Variants in LYST observed in about 807,000 individuals in gnomAD.
LYST encodes the protein lysosomal trafficking regulator.
Under a neutral mutation model 413.6 loss-of-function variants are expected in LYST, and 192 were observed. The ratio of observed to expected loss-of-function variants is 0.46; its 90% CI spans 0.41 to 0.52. The LOEUF is 0.52. Among genes scored for constraint, LYST ranks in the 20% least tolerant of loss-of-function variants. The pLI is 0.00. For missense variants in LYST, 3,815 were observed against 4,499.9 expected, an observed-to-expected ratio of 0.85 and a Z score of 4.35; for synonymous variants, 1,525 against 1,567.3, an observed-to-expected ratio of 0.97 and a Z score of 0.64.
intron 43 of LYST, 120 bp from the exon 44 acceptor site, chr1:235,709,428 T>C (rs1214505588): frequency 9.4e-6 from 7 of 746,868 alleles, no homozygotes; most frequent in Admixed American, 6.6e-5. Flanking sequence ...AAAAAGGGAA[T>C]AGCAAGGAGG....
rs1258505222 is a variant in LYST at position 235,725,016 on chromosome 1, G to A, written c.9163-836C>T. On this transcript the variant is annotated intron_variant, in intron 38 of 52. Coordinates refer to ENST00000389793, the MANE Select transcript of LYST (RefSeq NM_000081.4). Reference sequence around the variant, plus strand: ...TTGACGTAGGTTCACAGCAACTTGAGGACAGAAGATGAGGCCCTGGGCCCC... The same window carrying A: ...TTGACGTAGGTTCACAGCAACTTGAAGACAGAAGATGAGGCCCTGGGCCCC... Among the ~76,000 whole-genome samples, 3 of 152,338 alleles carry A rather than the reference G, an allele frequency of 2.0e-5. No individual in the cohort carries two copies. In the South Asian group the frequency reaches 6.2e-4, roughly 32 times the overall value.
At position 235,792,081 on chromosome 1, in the gene LYST, A is replaced by G. The variant is rs764179773; in HGVS notation, c.4161T>C (p.Thr1387=). ...LGILKIIESD[T]TMSPSQYLTF... is the part of the protein sequence containing the mutation. ...TTAGATACTGTGAAGGGCTCATAGT[A>G]GTATCACTTTCAATAATTTTCAGAA... The change falls in exon 12 of 53, where the codon ACT becomes ACC. Residue 1387 remains threonine, a synonymous_variant. Transcript: ENST00000389793. 6 of 1,613,122 alleles carry G rather than the reference A, an allele frequency of 3.7e-6. No homozygotes were observed. The Admixed American group carries it at 1.0e-4, about 27-fold the overall frequency.
chr1:235,763,781 C>T (rs1667835968), intron 21 of LYST, among the ~76,000 whole-genome samples: 1 of 152,038 alleles, frequency 6.6e-6, no homozygotes, highest in African/African-American at 2.4e-5. Context: ...TGTTTCTTGA[C>T]CTCTTCTCTT....
At chr1:235,794,131 C>A (rs1306751478) in intron 10 of LYST, among the ~76,000 whole-genome samples, 1 of 152,104 alleles carries the variant, frequency 6.6e-6, no homozygotes, top group Non-Finnish European at 1.5e-5. Flanking sequence ...CCATGTCTGG[C>A]CAGCATGAGC....
At chr1:235,782,547 G>T (rs899055350) in intron 14 of LYST, among the ~76,000 whole-genome samples, 1 of 152,138 alleles carries the variant, frequency 6.6e-6, no homozygotes, top group African/African-American at 2.4e-5. Context: ...AGGGCTAATT[G>T]TTTGTCTCTT....
In LYST at chr1:235,777,220, G is replaced by A; in HGVS notation, c.5303C>T (p.Thr1768Ile). The A allele has an allele frequency of 6.2e-7, 1 of 1,613,626 alleles. No individual in the cohort carries two copies. Among genetic ancestry groups the A allele is most frequent in the African/African-American group, 1.3e-5 (1 of 74,998 alleles). ...GCTGAAGGGTCTTTGAGAGAGTTGG[G>A]TTTTCATTTGACCTTTAAGTCTAAT... ...PVIRLKGQMK[T>I]QLSQRPFSSK... Residue 1768 changes from threonine to isoleucine, a missense_variant, in exon 17 of 53, where the codon ACC becomes ATC. Transcript: ENST00000389793.
chr1:235,850,829 C>A (rs1271129406), intron 1 of LYST, among the ~76,000 whole-genome samples: 1 of 152,012 alleles, frequency 6.6e-6, no homozygotes, highest in East Asian at 1.9e-4. Context: ...AATGTGATAC[C>A]ATCTCACTCC....
chr1:235,825,542 C>T (rs1382632117), intron 3 of LYST, among the ~76,000 whole-genome samples: 1 of 151,946 alleles, frequency 6.6e-6, no homozygotes, highest in Non-Finnish European at 1.5e-5. Context: ...CTATGAGCAA[C>T]AAACAACAGG....
chr1:235,668,668 A>G (rs1658692459), intron 50 of LYST, among the ~76,000 whole-genome samples: 1 of 152,266 alleles, frequency 6.6e-6, no homozygotes, highest in African/African-American at 2.4e-5. Flanking sequence ...TACAAAATTC[A>G]ACTCCCTCAG....
Position 235,787,189 on chromosome 1 carries a change from A to G in LYST, c.4862+11T>C. 1 of 1,608,140 alleles carries G rather than the reference A, an allele frequency of 6.2e-7. No individual in the cohort carries two copies. Among genetic ancestry groups the G allele is most frequent in the Non-Finnish European group, 8.5e-7 (1 of 1,174,680 alleles). On this transcript the variant is annotated intron_variant, in intron 14 of 52. Coordinates refer to ENST00000389793, the MANE Select transcript of LYST (RefSeq NM_000081.4). ...TGAGATTGAGATGCATTTTCTCAAAATGCTTCCTACCTCTGTCCAGAGACC... is the reference window on the plus strand; with the variant it reads ...TGAGATTGAGATGCATTTTCTCAAAGTGCTTCCTACCTCTGTCCAGAGACC...
chr1:235,847,115 A>C (rs1677972760), intron 1 of LYST, among the ~76,000 whole-genome samples: 1 of 152,204 alleles, frequency 6.6e-6, no homozygotes, highest in East Asian at 1.9e-4. Flanking sequence ...GAATTTTAAG[A>C]GCTGTGAAAC....
chr1:235,766,050 C>CTAACAAA (rs773016619), intron 21 of LYST, 29 bp downstream of exon 21: 2 of 1,511,202 alleles, frequency 1.3e-6, no homozygotes, highest in Non-Finnish European at 1.8e-6. Flanking sequence ...TGGAAATAGC[C>CTAACAAA]ATGATCTAAC....
rs1678910232 is a variant in LYST, at chr1:235,854,267, T to C, written c.-98+12576A>G. 6.6e-6 allele frequency among the ~76,000 whole-genome samples: 1 copy of C among 152,200 alleles called. No individual in the cohort carries two copies. The highest frequency in any genetic ancestry group is 2.4e-5 in the African/African-American group (1 of 41,442). ...ATTATTATCCCTAGTTGACACATAT[T>C]GGAAACTGAAGCACAGTAAGGTTAG... On this transcript the variant is annotated intron_variant, in intron 1 of 52. Coordinates refer to ENST00000389793, the MANE Select transcript of LYST (RefSeq NM_000081.4). The surrounding 1 kb of genome is among the most constrained non-coding windows in gnomAD (Gnocchi z 4.1).
intron 14 of LYST, 132 bp downstream of exon 14, chr1:235,787,068 C>A: frequency 1.4e-6 from 1 of 692,282 alleles, no homozygotes; most frequent in Non-Finnish European, 2.4e-6. Flanking sequence ...AAAGAAACAA[C>A]AAAAAATATA....
intron 1 of LYST, among the ~76,000 whole-genome samples, chr1:235,844,587 G>A (rs1379206516): frequency 2.0e-5 from 3 of 152,096 alleles, no homozygotes; most frequent in Admixed American, 6.5e-5. Context: ...AGGCAAAGGC[G>A]TTTCCCTAAC....
chr1:235,802,852 G>T, intron 8 of LYST, 56 bp downstream of exon 8: 17 of 1,535,538 alleles, frequency 1.1e-5, no homozygotes, highest in Non-Finnish European at 1.4e-5. Flanking sequence ...GAACCATTTT[G>T]CTATTTAATG....
chr1:235,780,525 C>G (rs1669747934), intron 16 of LYST, among the ~76,000 whole-genome samples: 1 of 151,700 alleles, frequency 6.6e-6, no homozygotes, highest in Non-Finnish European at 1.5e-5. Context: ...ATATAATGAG[C>G]AACATTTTTT....
At chr1:235,749,724 A>G (rs1666288752) in intron 28 of LYST, among the ~76,000 whole-genome samples, 1 of 152,232 alleles carries the variant, frequency 6.6e-6, no homozygotes, top group Admixed American at 6.5e-5. Flanking sequence ...AGAAAAAAGG[A>G]CAGCCATCTA....
Position 235,812,989 on chromosome 1 carries a change from G to C in LYST, c.265C>G (p.Gln89Glu). ...AGCATACCTGTTGCCTTTTCTTCTT[G>C]GACAGGTATCTTCCATACCAGTGGA... ...LLPLVWKIPV[Q>E]EEKATDFNLP... is the part of the protein sequence containing the mutation. Residue 89 changes from glutamine to glutamate, a missense_variant, in exon 4 of 53, where the codon CAA becomes GAA. Physicochemically the swap from Gln to Glu is conservative, Grantham distance 29 (BLOSUM62 2). This residue lies in a region of LYST where 1,648 missense variants were observed against 1,810.3 expected (regional missense o/e 0.91). Coordinates refer to ENST00000389793, the MANE Select transcript of LYST (RefSeq NM_000081.4). The C allele has an allele frequency of 6.2e-7, 1 of 1,609,918 alleles. No homozygotes were observed. Among genetic ancestry groups the C allele is most frequent in the Non-Finnish European group, 8.5e-7 (1 of 1,176,436 alleles).
Sources: gnomAD v4.1 joint callset for allele counts (sites outside exome capture counted in the v4.1 genomes callset) on GRCh38, gnomAD v4.1.1 for gene constraint, gnomAD v4.1.1 regional missense constraint, Gnocchi (gnomAD v3.1) non-coding constraint, MANE v1.5 for transcripts, NCBI Gene and HGNC (gene_info 2026-07-23, HGNC 2026-07-21) for gene names.